STRBP: variants seen among roughly 807,000 people sequenced by gnomAD.
STRBP encodes spermatid perinuclear RNA-binding protein.
A neutral mutation model predicts 80.1 loss-of-function variants in STRBP; 13 were observed. The ratio of observed to expected loss-of-function variants is 0.16; its 90% CI spans 0.11 to 0.26. The LOEUF is 0.26. Among genes scored for constraint, STRBP ranks in the 10% least tolerant of loss-of-function variants. STRBP has a pLI of 1.00. For synonymous variants in STRBP, 284 were observed against 291.2 expected, an observed-to-expected ratio of 0.98 and a Z score of 0.25; for missense variants, 485 against 815.2, an observed-to-expected ratio of 0.59 and a Z score of 4.93.
downstream of STRBP, among the ~76,000 whole-genome samples, chr9:123,118,389 G>A (rs548373096): frequency 6.6e-6 from 1 of 152,356 alleles, no homozygotes; most frequent in African/African-American, 2.4e-5. Context: ...TTTGTCCAGT[G>A]CTGAAACTGC....
chr9:123,237,167 T>C (rs1588144026), intron 1 of STRBP, among the ~76,000 whole-genome samples: 1 of 152,170 alleles, frequency 6.6e-6, no homozygotes. Flanking sequence ...AAGAGTTGAA[T>C]GTGTGTAATA....
chr9:123,215,739 G>A (rs1301261459), intron 2 of STRBP, among the ~76,000 whole-genome samples: 2 of 152,112 alleles, frequency 1.3e-5, no homozygotes, highest in Non-Finnish European at 2.9e-5. Flanking sequence ...AGCTGAGATC[G>A]TGCCATTGCA....
At chr9:123,183,252 T>C (rs1403789836) in intron 3 of STRBP, among the ~76,000 whole-genome samples, 5 of 151,800 alleles carry the variant, frequency 3.3e-5, no homozygotes, top group Non-Finnish European at 5.9e-5. Context: ...CTGGCCAACA[T>C]GGCGAAACCC....
intron 1 of STRBP, among the ~76,000 whole-genome samples, chr9:123,246,603 TATAAC>T (rs1303277173): frequency 2.4e-4 from 36 of 152,356 alleles, no homozygotes; most frequent in African/African-American, 6.5e-4. Context: ...ACAACAATAC[TATAAC>T]ATAACAGAAT....
chr9:123,124,116 G>A lies in STRBP; in HGVS notation c.*1481C>T, dbSNP rs2035812241. 3 of 985,378 alleles carry A rather than the reference G, an allele frequency of 3.0e-6. No individual in the cohort carries two copies. Among genetic ancestry groups the A allele is most frequent in the Non-Finnish European group, 3.6e-6 (3 of 829,924 alleles). The allele number at this position is 985,378 out of a possible 1,614,324, so 61.0% of individuals were successfully genotyped here. ...ACATTGCCCATTTCACCTTTATTTA[G>A]TGGTCCCGAAGGAATTTGGTACATA... is the stretch of plus-strand genomic sequence containing the variant. On this transcript the variant is annotated 3_prime_UTR_variant, in exon 19 of 19. Coordinates refer to ENST00000348403, the MANE Select transcript of STRBP (RefSeq NM_018387.5).
At chr9:123,214,602 A>C (rs2039830399) in intron 2 of STRBP, among the ~76,000 whole-genome samples, 1 of 152,198 alleles carries the variant, frequency 6.6e-6, no homozygotes, top group Non-Finnish European at 1.5e-5. Flanking sequence ...GGTTCTGCAA[A>C]ACAGACCATC....
At chr9:123,174,012 T>A (rs2038115888) in intron 4 of STRBP, among the ~76,000 whole-genome samples, 170 bp from the exon 5 acceptor site, 1 of 152,252 alleles carries the variant, frequency 6.6e-6, no homozygotes, top group Non-Finnish European at 1.5e-5. Flanking sequence ...AAAGTATCTA[T>A]CTTCCCTCAA....
At chr9:123,185,605 C>G (rs113794857) in intron 2 of STRBP, among the ~76,000 whole-genome samples, 409 of 152,184 alleles carry the variant, frequency 2.7e-3, no homozygotes, top group African/African-American at 8.7e-3. Context: ...ATACTAAATA[C>G]AATACTAAAA....
intron 2 of STRBP, among the ~76,000 whole-genome samples, chr9:123,222,355 G>C (rs1042743289): frequency 2.6e-5 from 4 of 151,814 alleles, no homozygotes; most frequent in African/African-American, 9.7e-5. Flanking sequence ...GCACTCTTCT[G>C]GTCCCACACC....
intron 14 of STRBP, among the ~76,000 whole-genome samples, chr9:123,138,331 G>T (rs1382506902): frequency 6.6e-6 from 1 of 152,170 alleles, no homozygotes; most frequent in East Asian, 1.9e-4. Context: ...ACCTGTGAAT[G>T]ACTGGTCCCT....
chr9:123,223,455 A>T (rs1365450802), intron 2 of STRBP, among the ~76,000 whole-genome samples: 1 of 152,174 alleles, frequency 6.6e-6, no homozygotes, highest in Non-Finnish European at 1.5e-5. Context: ...GGTGGGAGTG[A>T]GGGGATAGAA....
chr9:123,253,637 T>G (rs528343189), intron 1 of STRBP, among the ~76,000 whole-genome samples: 12 of 152,254 alleles, frequency 7.9e-5, no homozygotes, highest in Non-Finnish European at 1.8e-4. Flanking sequence ...GAAAGGCTAG[T>G]GTGAAGATTA....
rs981248958 is a variant in STRBP, at chr9:123,115,579, T to TC, written c.*84+349dup. ...TGACATTTTCTCCAACTGCTCCTTCTCCCCCATCACAGAGCCTGGTAAGAA... is the reference window on the plus strand; with the variant it reads ...TGACATTTTCTCCAACTGCTCCTTCTCCCCCCATCACAGAGCCTGGTAAGAA... On this transcript the variant is annotated intron_variant and NMD_transcript_variant, in intron 3 of 3. Transcript: ENST00000471564. The surrounding 1 kb of genome is among the most constrained non-coding windows in gnomAD (Gnocchi z 5.0). 4.5e-5 allele frequency: 16 copies of TC among 351,732 alleles called. No homozygotes were observed. The highest frequency in any genetic ancestry group is 3.3e-4 in the South Asian group (15 of 45,672). The allele number at this position is 351,732 out of a possible 1,614,324, so 21.8% of individuals were successfully genotyped here. A position where few individuals can be genotyped will look rare whatever the true frequency, so the allele number is the denominator to read the frequency against.
At chr9:123,114,625 C>G (rs2132276612) in intron 3 of STRBP, 1 of 168,262 alleles carries the variant, frequency 5.9e-6, no homozygotes, top group Admixed American at 6.5e-5. Context: ...TGTGGCCCAC[C>G]AAAGCCCCAT....
intron 2 of STRBP, among the ~76,000 whole-genome samples, chr9:123,201,835 A>G (rs989445728): frequency 6.6e-5 from 10 of 152,248 alleles, no homozygotes; most frequent in African/African-American, 1.9e-4. Context: ...TAGTGCTGTC[A>G]GTGGTGTACT....
chr9:123,244,837 TCAAAAGCC>T (rs2040767108), intron 1 of STRBP, among the ~76,000 whole-genome samples: 1 of 152,212 alleles, frequency 6.6e-6, no homozygotes, highest in African/African-American at 2.4e-5. Flanking sequence ...TTATGACCAT[TCAAAAGCC>T]CATCCACAAA....
intron 11 of STRBP, among the ~76,000 whole-genome samples, chr9:123,150,812 C>G (rs765052033): frequency 6.6e-6 from 1 of 152,094 alleles, no homozygotes; most frequent in Non-Finnish European, 1.5e-5. Flanking sequence ...GGTTGGGCCT[C>G]TGAAATGTTA....
intron 1 of STRBP, among the ~76,000 whole-genome samples, chr9:123,265,924 T>C (rs1052880380): frequency 2.6e-5 from 4 of 152,204 alleles, no homozygotes; most frequent in East Asian, 1.9e-4. Context: ...CTGCCACTTT[T>C]AGGAGCTAGG....
At chr9:123,189,175 T>C (rs2038822724) in intron 2 of STRBP, among the ~76,000 whole-genome samples, 1 of 151,624 alleles carries the variant, frequency 6.6e-6, no homozygotes, top group Non-Finnish European at 1.5e-5. Flanking sequence ...TGGATGAAGC[T>C]GGAAACCATC....
Sources: gnomAD v4.1 joint callset for allele counts (sites outside exome capture counted in the v4.1 genomes callset) on GRCh38, gnomAD v4.1.1 for gene constraint, Gnocchi (gnomAD v3.1) non-coding constraint, MANE v1.5 for transcripts, NCBI Gene and HGNC (gene_info 2026-07-23, HGNC 2026-07-21) for gene names.